GALNTL6: variants seen among roughly 807,000 people sequenced by gnomAD.
GALNTL6 encodes polypeptide N-acetylgalactosaminyltransferase-like 6.
A neutral mutation model predicts 73.7 loss-of-function variants in GALNTL6; 46 were observed. That is an observed-to-expected ratio of 0.62 (90% CI 0.49 to 0.80). The LOEUF (loss-of-function observed/expected upper bound fraction) is 0.80, where lower values mean the gene tolerates loss of function less well. GALNTL6 is among the 30% of genes least tolerant of loss of function. The pLI is 0.00. For synonymous variants in GALNTL6, 259 were observed against 263.7 expected (o/e 0.98, Z 0.17); for missense variants, 604 against 755.0 (o/e 0.80, Z 2.34).
intron 2 of GALNTL6, chr4:172,052,491 G>T: frequency 6.5e-7 from 1 of 1,535,246 alleles, no homozygotes; most frequent in Middle Eastern, 1.7e-4. Context: ...AGGAATCCAA[G>T]CATTAGTGCA....
chr4:172,863,958 C>T (rs907402397), intron 7 of GALNTL6, among the ~76,000 whole-genome samples: 7 of 152,236 alleles, frequency 4.6e-5, no homozygotes, highest in Admixed American at 2.0e-4. Context: ...ATGCTGTTCT[C>T]ATGATAGTGA....
chr4:172,386,159 G>T (rs997899834), intron 5 of GALNTL6, among the ~76,000 whole-genome samples: 9 of 152,044 alleles, frequency 5.9e-5, no homozygotes, highest in Admixed American at 1.3e-4. Context: ...GATAGGAGAA[G>T]AAAAAATTTA....
At chr4:172,940,191 T>G (rs1748844829) in intron 9 of GALNTL6, among the ~76,000 whole-genome samples, 2 of 150,872 alleles carry the variant, frequency 1.3e-5, no homozygotes, top group Admixed American at 1.3e-4. Context: ...GCAAAACTTT[T>G]TTTTTTTTTT....
intron 5 of GALNTL6, among the ~76,000 whole-genome samples, chr4:172,407,471 A>T (rs1011217664): frequency 1.3e-5 from 2 of 152,084 alleles, no homozygotes; most frequent in African/African-American, 4.8e-5. Context: ...CTATGTGCAA[A>T]TGTAGCATTT....
At chr4:172,464,180 T>G (rs1732718164) in intron 5 of GALNTL6, among the ~76,000 whole-genome samples, 1 of 152,108 alleles carries the variant, frequency 6.6e-6, no homozygotes, top group Admixed American at 6.6e-5. Flanking sequence ...GGATTACAGG[T>G]GCAAGCCACT....
chr4:172,961,503 T>C (rs1750054601), intron 10 of GALNTL6, among the ~76,000 whole-genome samples: 1 of 151,932 alleles, frequency 6.6e-6, no homozygotes, highest in Non-Finnish European at 1.5e-5. Context: ...CTCTGAAATG[T>C]GGGTGAATAA....
intron 2 of GALNTL6, among the ~76,000 whole-genome samples, chr4:172,154,567 A>C (rs572315265): frequency 6.6e-6 from 1 of 152,196 alleles, no homozygotes; most frequent in South Asian, 2.1e-4. Flanking sequence ...CTATCTTTTG[A>C]ATGATGACTT....
intron 4 of GALNTL6, among the ~76,000 whole-genome samples, chr4:172,339,876 C>A (rs1244766901): frequency 6.6e-6 from 1 of 152,144 alleles, no homozygotes; most frequent in Admixed American, 6.5e-5. Context: ...CTTCACAATT[C>A]CAGTAGATTC....
In GALNTL6 at chr4:172,791,979, C is replaced by T. The variant is rs144863502; in HGVS notation, c.554-17382C>T. On this transcript the variant is annotated intron_variant, in intron 5 of 12. Coordinates refer to ENST00000506823, the MANE Select transcript of GALNTL6 (RefSeq NM_001034845.3). ...ATAACAAGCTCCTAAGCCCTCCATG[C>T]GATTATTAGTCTAAGGATCTCACTG... Among the ~76,000 whole-genome samples the T allele has an allele frequency of 1.4e-3, 212 of 152,242 alleles. 1 individual carries two copies. Among genetic ancestry groups the T allele is most frequent in the African/African-American group, 5.0e-3 (206 of 41,554 alleles).
intron 2 of GALNTL6, among the ~76,000 whole-genome samples, chr4:171,865,061 TCTTGACCCCGGGAGG>T (rs1735934271): frequency 6.6e-6 from 1 of 151,614 alleles, no homozygotes; most frequent in Non-Finnish European, 1.5e-5. Flanking sequence ...CAGTAGAATC[TCTTGACCCCGGGAGG>T]CGGAGATTGC....
chr4:172,435,227 A>G (rs905191932), intron 5 of GALNTL6, among the ~76,000 whole-genome samples: 3 of 152,078 alleles, frequency 2.0e-5, no homozygotes, highest in African/African-American at 7.2e-5. Context: ...ATTTGCTCTC[A>G]TGCTCAAAAC....
intron 2 of GALNTL6, among the ~76,000 whole-genome samples, chr4:172,166,580 A>G (rs1579204013): frequency 6.6e-6 from 1 of 152,246 alleles, no homozygotes; most frequent in Non-Finnish European, 1.5e-5. Flanking sequence ...AATAAAGGTC[A>G]TAGTAAATAA....
At chr4:172,694,104 A>G (rs2111266564) in intron 5 of GALNTL6, among the ~76,000 whole-genome samples, 1 of 151,544 alleles carries the variant, frequency 6.6e-6, no homozygotes, top group Admixed American at 6.6e-5. Context: ...AAGGTGTATC[A>G]GTAAGCAGCT....
At chr4:172,450,418 T>G (rs992640459) in intron 5 of GALNTL6, among the ~76,000 whole-genome samples, 1 of 152,196 alleles carries the variant, frequency 6.6e-6, no homozygotes, top group African/African-American at 2.4e-5. Context: ...TCCACTAACA[T>G]GATCCTTGCA....
chr4:172,044,138 T>C (rs1157455758), intron 2 of GALNTL6, among the ~76,000 whole-genome samples: 1 of 151,890 alleles, frequency 6.6e-6, no homozygotes. Flanking sequence ...TAAGAAAAGG[T>C]CAATTCTTAG....
At chr4:172,746,434 A>G in intron 5 of GALNTL6, among the ~76,000 whole-genome samples, 1 of 152,214 alleles carries the variant, frequency 6.6e-6, no homozygotes, top group Admixed American at 6.6e-5. Flanking sequence ...TATCAAGTTC[A>G]CTGAATTTTT....
At chr4:172,541,941 C>A (rs1210552811) in intron 5 of GALNTL6, among the ~76,000 whole-genome samples, 1 of 152,016 alleles carries the variant, frequency 6.6e-6, no homozygotes, top group African/African-American at 2.4e-5. Flanking sequence ...TGGGAGACTG[C>A]TCTTCCCTGG....
intron 2 of GALNTL6, among the ~76,000 whole-genome samples, chr4:171,928,854 G>C (rs1217218784): frequency 6.6e-6 from 1 of 152,076 alleles, no homozygotes; most frequent in Non-Finnish European, 1.5e-5. Flanking sequence ...TACCATCTGG[G>C]TTATTGTAAG....
chr4:171,873,461 T>C (rs1736191034), intron 2 of GALNTL6, among the ~76,000 whole-genome samples: 1 of 152,094 alleles, frequency 6.6e-6, no homozygotes, highest in Admixed American at 6.6e-5. Flanking sequence ...CAAGAGAAAA[T>C]TTAGGAGTAA....
Sources: gnomAD v4.1 joint callset for allele counts (sites outside exome capture counted in the v4.1 genomes callset) on GRCh38, gnomAD v4.1.1 for gene constraint, MANE v1.5 for transcripts, NCBI Gene and HGNC (gene_info 2026-07-23, HGNC 2026-07-21) for gene names.